KLF12: variants seen among roughly 807,000 people sequenced by gnomAD.
KLF12 encodes the protein Krueppel-like factor 12.
A neutral mutation model predicts 37.8 loss-of-function variants in KLF12; 9 were observed. The ratio of observed to expected loss-of-function variants is 0.24; its 90% CI spans 0.14 to 0.42. The LOEUF (loss-of-function observed/expected upper bound fraction) is 0.42. Ranked by LOEUF, KLF12 falls within the 10% of genes least tolerant of loss-of-function variation. KLF12 has a pLI of 1.00. For synonymous variants in KLF12, 208 were observed against 202.1 expected, an observed-to-expected ratio of 1.03 and a Z score of -0.25; for missense variants, 411 against 516.0, an observed-to-expected ratio of 0.80 and a Z score of 1.97.
the KLF12 span, among the ~76,000 whole-genome samples, chr13:74,216,735 G>A: frequency 1.3e-5 from 2 of 151,772 alleles, no homozygotes; most frequent in Non-Finnish European, 2.9e-5. Flanking sequence ...AAATCAACTA[G>A]GACTGTTTCA....
At chr13:74,097,051 T>C (rs919610812) in intron 1 of KLF12, among the ~76,000 whole-genome samples, 2 of 152,154 alleles carry the variant, frequency 1.3e-5, no homozygotes, top group Admixed American at 1.3e-4. Flanking sequence ...TTTCCAAGTC[T>C]TAATAAGGAG....
intron 4 of KLF12, among the ~76,000 whole-genome samples, chr13:73,835,257 T>A (rs188629864): frequency 2.0e-5 from 3 of 152,034 alleles, no homozygotes; most frequent in Non-Finnish European, 4.4e-5. Flanking sequence ...AAAAAATAAT[T>A]AGGGGCATGG....
intron 2 of KLF12, among the ~76,000 whole-genome samples, chr13:73,956,111 A>G (rs758884339): frequency 3.3e-5 from 5 of 152,238 alleles, no homozygotes; most frequent in Non-Finnish European, 5.9e-5. Flanking sequence ...TTCAACAGAA[A>G]TTTGGAATAC....
At chr13:73,855,449 G>A (rs1159897627) in intron 3 of KLF12, among the ~76,000 whole-genome samples, 1 of 152,190 alleles carries the variant, frequency 6.6e-6, no homozygotes, top group Non-Finnish European at 1.5e-5. Flanking sequence ...TGGCTGCATA[G>A]TATTCCACGG....
the KLF12 span, among the ~76,000 whole-genome samples, chr13:74,234,745 C>G: frequency 4.0e-5 from 6 of 150,064 alleles, no homozygotes; most frequent in African/African-American, 1.5e-4. Context: ...ACCTCTTATT[C>G]GGAAAAAAAA....
chr13:73,717,159 A>G (rs1273430549), intron 6 of KLF12, among the ~76,000 whole-genome samples: 1 of 152,232 alleles, frequency 6.6e-6, no homozygotes, highest in Admixed American at 6.5e-5. Context: ...TTATGTTCCA[A>G]TGAAACTTTG....
chr13:74,203,974 C>T, the KLF12 span, among the ~76,000 whole-genome samples: 1 of 152,126 alleles, frequency 6.6e-6, no homozygotes. Context: ...AAATACTACA[C>T]AGACATCTGT....
the KLF12 span, among the ~76,000 whole-genome samples, chr13:74,260,222 A>G: frequency 6.6e-6 from 1 of 152,154 alleles, no homozygotes; most frequent in Non-Finnish European, 1.5e-5. Flanking sequence ...CCATTGGAGC[A>G]TGCTGTTCTC....
chr13:74,182,298 G>A, the KLF12 span, among the ~76,000 whole-genome samples: 1 of 152,154 alleles, frequency 6.6e-6, no homozygotes, highest in Non-Finnish European at 1.5e-5. Flanking sequence ...TTGACAAAGA[G>A]CCTGTTTTAG....
chr13:74,271,125 T>G, the KLF12 span, among the ~76,000 whole-genome samples: 1 of 152,148 alleles, frequency 6.6e-6, no homozygotes, highest in Non-Finnish European at 1.5e-5. Flanking sequence ...AAATCTAGGT[T>G]GAGCATTCCT....
the KLF12 span, among the ~76,000 whole-genome samples, chr13:74,286,862 G>T: frequency 6.6e-6 from 1 of 152,138 alleles, no homozygotes; most frequent in African/African-American, 2.4e-5. Context: ...TTATGTCTCT[G>T]TCTGGTTTTT....
chr13:73,908,865 T>C (rs1888439924), intron 3 of KLF12, among the ~76,000 whole-genome samples: 2 of 152,188 alleles, frequency 1.3e-5, no homozygotes, highest in South Asian at 4.1e-4. Flanking sequence ...AAGAAATAAG[T>C]TCATGATTGT....
At chr13:74,242,435 A>C in the KLF12 span, among the ~76,000 whole-genome samples, 3 of 152,210 alleles carry the variant, frequency 2.0e-5, no homozygotes, top group African/African-American at 7.2e-5. Flanking sequence ...ACCCCTTATA[A>C]AACCATCAGA....
rs67945624 is a variant in KLF12 at position 73,953,970 on chromosome 13, C to CT, written c.34-9901dup. Among the ~76,000 whole-genome samples the CT allele has an allele frequency of 7.3e-3, 643 of 88,522 alleles. 37 individuals are homozygous for CT. The highest frequency in any genetic ancestry group is 0.024 in the African/African-American group (553 of 22,666). The allele number at this position is 88,522 out of a possible 152,430, so 58.1% of individuals were successfully genotyped here. On this transcript the variant is annotated intron_variant, in intron 2 of 7. Transcript: ENST00000377669. ...AGTAATTAGGTTTTGTTTTTTCTTT[C>CT]TTTTTTTTTTTTTTTTTTTTTTTTT...
intron 2 of KLF12, among the ~76,000 whole-genome samples, chr13:73,981,154 T>C (rs1343502450): frequency 6.6e-6 from 1 of 152,116 alleles, no homozygotes; most frequent in Non-Finnish European, 1.5e-5. Flanking sequence ...AGACCCTGTC[T>C]CAGAAACAAA....
chr13:73,718,859 A>T (rs1876013001), intron 6 of KLF12, among the ~76,000 whole-genome samples: 1 of 152,184 alleles, frequency 6.6e-6, no homozygotes, highest in Admixed American at 6.5e-5. Context: ...ATGCCACTGC[A>T]CTCCAATCTG....
rs567409007 is a variant in KLF12, at chr13:73,992,738, T to C, written c.33+2252A>G. 2.6e-4 allele frequency among the ~76,000 whole-genome samples: 39 copies of C among 152,348 alleles called. No homozygotes were observed. The South Asian group carries it at 7.5e-3, about 29-fold the overall frequency. The stretch of plus-strand genomic sequence containing the variant: ...CTTCCACTGCTGACATTTTAAAAAC[T>C]TCGTCTTAATATTGACTTTGTCAAT... On this transcript the variant is annotated intron_variant, in intron 2 of 7. Transcript: ENST00000377669.
chr13:74,270,698 T>C, the KLF12 span, among the ~76,000 whole-genome samples: 354 of 152,266 alleles, frequency 2.3e-3, 3 homozygotes, highest in African/African-American at 7.9e-3. Context: ...ATTGAGTGTG[T>C]AGTTGGAATC....
At chr13:74,260,060 T>A in the KLF12 span, 1 of 152,168 alleles carries the variant, frequency 6.6e-6, no homozygotes, top group African/African-American at 2.4e-5. Context: ...TTCTTTTGTG[T>A]CCCCTCTGGA....
Sources: gnomAD v4.1 joint callset for allele counts (sites outside exome capture counted in the v4.1 genomes callset) on GRCh38, gnomAD v4.1.1 for gene constraint, MANE v1.5 for transcripts, NCBI Gene and HGNC (gene_info 2026-07-23, HGNC 2026-07-21) for gene names.